ZNF101: variants seen among roughly 807,000 people sequenced by gnomAD.
ZNF101 encodes zinc finger protein 101 (Y2).
In ZNF101, 34 loss-of-function variants were observed where a neutral mutation model predicts 42.6. The ratio of observed to expected loss-of-function variants is 0.80; its 90% CI spans 0.61 to 1.06. The LOEUF is 1.06. ZNF101 is among the 50% of genes least tolerant of loss of function. The pLI, the probability that ZNF101 is intolerant of heterozygous loss-of-function variation, is 0.00. For synonymous variants in ZNF101, 158 were observed against 183.9 expected, an observed-to-expected ratio of 0.86 and a Z score of 1.14; for missense variants, 466 against 530.9, an observed-to-expected ratio of 0.88 and a Z score of 1.20.
At chr19:19,674,881 C>CAT (rs1350816924) in intron 1 of ZNF101, among the ~76,000 whole-genome samples, 2 of 151,782 alleles carry the variant, frequency 1.3e-5, no homozygotes, top group Non-Finnish European at 2.9e-5. Context: ...AGTGCAGTGG[C>CAT]GCCATCTCGG....
At chr19:19,668,510 G>A (rs769952152), upstream of ZNF101, among the ~76,000 whole-genome samples, 2 of 151,922 alleles carry the variant, frequency 1.3e-5, no homozygotes, top group Non-Finnish European at 2.9e-5. Context: ...GTTGTGTGGC[G>A]GTCACAAAGG....
rs546173539 is a variant in ZNF101, at chr19:19,675,749, G to A, written c.4-2115G>A. On this transcript the variant is annotated intron_variant, in intron 1 of 3. Coordinates refer to ENST00000592502, the MANE Select transcript of ZNF101 (RefSeq NM_033204.4). The stretch of plus-strand genomic sequence containing the variant: ...ATAGGCCGGGCACAGTGGCTTATGC[G>A]TGTAGTCCCAGCACTTTCAGAGGCG... Among the ~76,000 whole-genome samples, 269 of 152,186 alleles carry A rather than the reference G, an allele frequency of 1.8e-3. 9 individuals carry two copies. In the South Asian group the frequency reaches 0.053, roughly 30 times the overall value.
intron 1 of ZNF101, among the ~76,000 whole-genome samples, chr19:19,671,521 A>G (rs1167207078): frequency 6.9e-6 from 1 of 145,754 alleles, no homozygotes; most frequent in Non-Finnish European, 1.5e-5. Flanking sequence ...TTTTTTTGAG[A>G]CAGAGTCTTG....
upstream of ZNF101, among the ~76,000 whole-genome samples, chr19:19,668,242 C>T (rs1468311782): frequency 6.6e-6 from 1 of 152,070 alleles, no homozygotes; most frequent in East Asian, 1.9e-4. Flanking sequence ...TGCTCCCCCA[C>T]AGTTAGAGGA....
At chr19:19,668,663 A>G, upstream of ZNF101, 1 of 420,836 alleles carries the variant, frequency 2.4e-6, no homozygotes, top group Non-Finnish European at 4.3e-6. Flanking sequence ...CACACCCCAC[A>G]CAGCGAGCGG....
chr19:19,681,873 CAA>C lies in ZNF101; in HGVS notation c.*1575_*1576del, dbSNP rs1271706464. On this transcript the variant is annotated 3_prime_UTR_variant, in exon 4 of 4. Coordinates refer to ENST00000592502, the MANE Select transcript of ZNF101 (RefSeq NM_033204.4). Reference sequence around the variant, plus strand: ...ACTTAATCATGAATGAGTTATTACACAAAGTTATAAATATATAGCATTTATCA... The same window carrying C: ...ACTTAATCATGAATGAGTTATTACACAGTTATAAATATATAGCATTTATCA... The C allele has an allele frequency of 6.6e-6, 1 of 151,110 alleles. No individual in the cohort carries two copies. Among genetic ancestry groups the C allele is most frequent in the Admixed American group, 6.6e-5 (1 of 15,122 alleles). The allele number at this position is 151,110 out of a possible 1,614,324, so 9.4% of individuals were successfully genotyped here. A position where few individuals can be genotyped will look rare whatever the true frequency, so the allele number is the denominator to read the frequency against.
At chr19:19,671,214 T>A (rs1422240737) in intron 1 of ZNF101, among the ~76,000 whole-genome samples, 1 of 152,138 alleles carries the variant, frequency 6.6e-6, no homozygotes, top group Non-Finnish European at 1.5e-5. Context: ...GAATTTGTGA[T>A]GGTGGATAAC....
chr19:19,670,282 A>G (rs1178873121), intron 1 of ZNF101, among the ~76,000 whole-genome samples: 1 of 152,204 alleles, frequency 6.6e-6, no homozygotes, highest in Non-Finnish European at 1.5e-5. Context: ...CTTCTGAGGC[A>G]GCTCAGGGTG....
intron 2 of ZNF101, among the ~76,000 whole-genome samples, chr19:19,678,296 GGATAATGTTGA>G (rs1489616194): frequency 1.3e-5 from 2 of 151,880 alleles, no homozygotes; most frequent in Admixed American, 6.6e-5. Flanking sequence ...CAGCACTTTG[GGATAATGTTGA>G]GATAATGTTG....
At chr19:19,676,223 A>C (rs550438131) in intron 1 of ZNF101, 25 of 151,956 alleles carry the variant, frequency 1.6e-4, no homozygotes, top group African/African-American at 5.3e-4. Context: ...TATAACTTTT[A>C]ATTTTTTTGT....
In ZNF101 at chr19:19,679,805, A is replaced by G; in HGVS notation, c.816A>G (p.Glu272=). The change falls in exon 4 of 4, where the codon GAA becomes GAG. Residue 272 remains glutamate, a synonymous_variant. Transcript: ENST00000592502. Reference sequence around the variant, plus strand: ...CCGCAGGTTACCTTCGGACACATGAAATCAGATCTCACGCGCTGGAGAAAT... The same window carrying G: ...CCGCAGGTTACCTTCGGACACATGAGATCAGATCTCACGCGCTGGAGAAAT... The part of the protein sequence containing the change: ...FISAGYLRTH[E]IRSHALEKSH... 5 of 1,613,962 alleles carry G rather than the reference A, an allele frequency of 3.1e-6. No homozygotes were observed. The highest frequency in any genetic ancestry group is 4.2e-6 in the Non-Finnish European group (5 of 1,179,902).
At chr19:19,672,392 G>C (rs1159146018) in intron 1 of ZNF101, 1 of 151,792 alleles carries the variant, frequency 6.6e-6, no homozygotes, top group Admixed American at 6.6e-5. Flanking sequence ...ATTTTTTTTA[G>C]CTTTAGTAGA....
rs78158256 is a variant in ZNF101, at chr19:19,673,277, T to C, written c.3+4311T>C. ...TTTTTTTTTTTTTTTTGAATTGGAG[T>C]CTTGCTCTGTCGCCGAGGCTGGGGT... On this transcript the variant is annotated intron_variant, in intron 1 of 3. Coordinates refer to ENST00000592502, the MANE Select transcript of ZNF101 (RefSeq NM_033204.4). Among the ~76,000 whole-genome samples, 339 of 126,930 alleles carry C rather than the reference T, an allele frequency of 2.7e-3. 18 individuals are homozygous for C. In the East Asian group the frequency reaches 0.072, roughly 27 times the overall value. The allele number at this position is 126,930 out of a possible 152,430, so 83.3% of individuals were successfully genotyped here.
intron 1 of ZNF101, among the ~76,000 whole-genome samples, chr19:19,671,501 A>AT (rs534692202): frequency 0.2 from 27,817 of 140,678 alleles, 2,949 homozygotes; most frequent in Middle Eastern, 0.33. Flanking sequence ...AGGTGTTAGG[A>AT]TTTTTTTTTT....
At chr19:19,676,363 C>T (rs2062202947) in intron 1 of ZNF101, 1 of 151,970 alleles carries the variant, frequency 6.6e-6, no homozygotes, top group South Asian at 2.1e-4. Flanking sequence ...AGTGGTCCAC[C>T]CTACTACTCT....
Position 19,672,135 on chromosome 19 carries a change from A to G in ZNF101, c.3+3169A>G, listed in dbSNP as rs551597098. ...ATATATATTTATAAGTTGTATGATT[A>G]TATATATTTATAAATTTTATGTATG... On this transcript the variant is annotated intron_variant, in intron 1 of 3. Coordinates refer to ENST00000592502, the MANE Select transcript of ZNF101 (RefSeq NM_033204.4). The G allele has an allele frequency of 5.4e-5, 8 of 148,274 alleles. No individual in the cohort carries two copies. The South Asian group carries it at 1.7e-3, about 31-fold the overall frequency. 9.2% of individuals were successfully genotyped at this position (148,274 alleles called of 1,614,324 possible).
rs2062221030 is a variant in ZNF101 at position 19,679,243 on chromosome 19, A to G, written c.254A>G (p.Gln85Arg). The G allele has an allele frequency of 6.2e-7, 1 of 1,614,226 alleles. No homozygotes were observed. Among genetic ancestry groups the G allele is most frequent in the South Asian group, 1.1e-5 (1 of 91,084 alleles). The change falls in exon 4 of 4, where the codon CAG becomes CGG. Residue 85 changes from glutamine (Q) to arginine (R), a missense_variant. Transcript: ENST00000592502. ...AATGAACACAGAGAAACTTTCAGCCAGATTCCTGATTGTCACCTGAACAAG... is the reference window on the plus strand; with the variant it reads ...AATGAACACAGAGAAACTTTCAGCCGGATTCCTGATTGTCACCTGAACAAG... The part of the protein sequence containing the change: ...EGNEHRETFS[Q>R]IPDCHLNKKS...
intron 2 of ZNF101, 78 bp from the exon 3 acceptor site, chr19:19,678,648 G>C: frequency 8.0e-7 from 1 of 1,245,554 alleles, no homozygotes; most frequent in South Asian, 1.5e-5. Flanking sequence ...TTGTGGCAGT[G>C]TTTAATGAAC....
intron 1 of ZNF101, chr19:19,676,399 G>A (rs2062203197): frequency 6.6e-6 from 1 of 151,954 alleles, no homozygotes. Flanking sequence ...TATTAACCAA[G>A]TTTTCATATG....
Sources: gnomAD v4.1 joint callset for allele counts (sites outside exome capture counted in the v4.1 genomes callset) on GRCh38, gnomAD v4.1.1 for gene constraint, MANE v1.5 for transcripts, NCBI Gene and HGNC (gene_info 2026-07-23, HGNC 2026-07-21) for gene names.